Variants in NDRG3 observed in about 807,000 individuals in gnomAD.
NDRG3 encodes protein NDRG3.
NDRG3 carries 23 observed loss-of-function variants against 57.2 expected under a neutral mutation model. The observed-to-expected ratio is 0.40, with a 90% confidence interval of 0.29 to 0.57. The LOEUF (loss-of-function observed/expected upper bound fraction) is 0.57, where lower values mean the gene tolerates loss of function less well. NDRG3 is among the 20% of genes least tolerant of loss of function. The pLI, the probability that NDRG3 is intolerant of heterozygous loss-of-function variation, is 0.42. For missense variants in NDRG3, 384 were observed against 457.3 expected (o/e 0.84, Z 1.46); for synonymous variants, 132 against 162.6 (o/e 0.81, Z 1.43).
At chr20:36,726,597 C>T (rs1984948974) in intron 1 of NDRG3, among the ~76,000 whole-genome samples, 2 of 152,302 alleles carry the variant, frequency 1.3e-5, no homozygotes, top group Admixed American at 1.3e-4. Context: ...GGATCCAAGG[C>T]CTGCAGTTCC....
chr20:36,718,276 A>G (rs532279946), intron 2 of NDRG3, among the ~76,000 whole-genome samples: 1 of 152,332 alleles, frequency 6.6e-6, no homozygotes, highest in South Asian at 2.1e-4. Context: ...TGATCTAAAG[A>G]GGGCCTCTTG....
chr20:36,684,740 T>C lies in NDRG3; in HGVS notation c.321-265A>G, dbSNP rs868728602. On this transcript the variant is annotated intron_variant, in intron 5 of 15. Transcript: ENST00000349004. ...AGCACATGCCTGTAATCCCAGAAAC[T>C]TGGGAGGCTGAGGCAGGAGAATTGC... Among the ~76,000 whole-genome samples the C allele has an allele frequency of 9.9e-5, 15 of 151,852 alleles. No individual in the cohort carries two copies. In the Middle Eastern group the frequency reaches 0.014, roughly 138 times the overall value.
In NDRG3 at chr20:36,653,355, G is replaced by C. The variant is rs1010509324; in HGVS notation, c.*165C>G. ...GTGGTTCTTGGGCTATACAAAAAAGGGGGTGGGCAGGCAGAGAGAATGATA... is the reference window on the plus strand; with the variant it reads ...GTGGTTCTTGGGCTATACAAAAAAGCGGGTGGGCAGGCAGAGAGAATGATA... On this transcript the variant is annotated 3_prime_UTR_variant, in exon 16 of 16. Coordinates refer to ENST00000349004, the MANE Select transcript of NDRG3 (RefSeq NM_032013.4). This position sits in a 1 kb window ranked among gnomAD's most constrained non-coding sequence, Gnocchi z 4.2. The C allele has an allele frequency of 6.6e-6, 4 of 605,400 alleles. No individual in the cohort carries two copies. The highest frequency in any genetic ancestry group is 5.5e-5 in the African/African-American group (3 of 54,106). 37.5% of individuals were successfully genotyped at this position (605,400 alleles called of 1,614,324 possible). A position where few individuals can be genotyped will look rare whatever the true frequency, so the allele number is the denominator to read the frequency against.
intron 2 of NDRG3, among the ~76,000 whole-genome samples, chr20:36,716,991 C>T (rs1283479239): frequency 6.6e-6 from 1 of 152,126 alleles, no homozygotes; most frequent in African/African-American, 2.4e-5. Flanking sequence ...ATATCTTCAA[C>T]TATTTACAAG....
chr20:36,743,902 CT>C (rs1188148076), intron 1 of NDRG3, among the ~76,000 whole-genome samples: 2,554 of 119,060 alleles, frequency 0.021, 16 homozygotes, highest in African/African-American at 0.081. Flanking sequence ...CATAAACAAG[CT>C]TTTTTTTTTT....
chr20:36,697,932 G>T (rs1408974061), intron 3 of NDRG3, among the ~76,000 whole-genome samples: 1 of 147,170 alleles, frequency 6.8e-6, no homozygotes. Flanking sequence ...ATAGTTCTAG[G>T]TTACATAATT....
intron 8 of NDRG3, 36 bp from the exon 9 acceptor site, chr20:36,671,433 C>A: frequency 6.4e-7 from 1 of 1,552,576 alleles, no homozygotes. Flanking sequence ...AGAATGTAAG[C>A]ATATGCAAAA....
chr20:36,678,404 C>T lies in NDRG3; in HGVS notation c.531+2412G>A, dbSNP rs571804031. Among the ~76,000 whole-genome samples, 16 of 152,262 alleles carry T rather than the reference C, an allele frequency of 1.1e-4. No individual in the cohort carries two copies. In the South Asian group the frequency reaches 1.2e-3, roughly 12 times the overall value. On this transcript the variant is annotated intron_variant, in intron 8 of 15. Coordinates refer to ENST00000349004, the MANE Select transcript of NDRG3 (RefSeq NM_032013.4). ...ATGCAAATTAAAACCCAGGATTGGC[C>T]GGGTGCGGTAGCTCACACCTGTAAT...
At chr20:36,729,343 GC>G (rs1405265921) in intron 1 of NDRG3, among the ~76,000 whole-genome samples, 1 of 152,142 alleles carries the variant, frequency 6.6e-6, no homozygotes, top group African/African-American at 2.4e-5. Context: ...AGTTTCAGAG[GC>G]AAGGGCTATT....
At chr20:36,715,004 G>GTA (rs1163522116) in intron 2 of NDRG3, among the ~76,000 whole-genome samples, 96 of 32,440 alleles carry the variant, frequency 3.0e-3, no homozygotes, top group Non-Finnish European at 4.4e-3. Context: ...GTGTGTGTGT[G>GTA]TGTATATATA....
chr20:36,684,222 C>G (rs1473701417), intron 6 of NDRG3, among the ~76,000 whole-genome samples, 191 bp downstream of exon 6: 1 of 152,286 alleles, frequency 6.6e-6, no homozygotes, highest in Non-Finnish European at 1.5e-5. Flanking sequence ...CACCCTTATT[C>G]TCTATCACAA....
At chr20:36,684,833 G>A (rs1283308156) in intron 5 of NDRG3, among the ~76,000 whole-genome samples, 30 of 147,426 alleles carry the variant, frequency 2.0e-4, no homozygotes, top group African/African-American at 7.6e-4. Context: ...TGGGCAACAA[G>A]AGCAAAACTC....
chr20:36,709,971 A>G (rs1702457952), intron 2 of NDRG3, among the ~76,000 whole-genome samples: 1 of 152,208 alleles, frequency 6.6e-6, no homozygotes, highest in African/African-American at 2.4e-5. Flanking sequence ...AAAAGAAAGT[A>G]GGATACAAAA....
chr20:36,710,818 A>AG (rs1343793421), intron 2 of NDRG3, among the ~76,000 whole-genome samples: 2 of 151,002 alleles, frequency 1.3e-5, no homozygotes, highest in Non-Finnish European at 3.0e-5. Context: ...GTCTCAAAAA[A>AG]AAAAAAAAAA....
At chr20:36,654,672 C>A in intron 15 of NDRG3, 1 of 689,370 alleles carries the variant, frequency 1.5e-6, no homozygotes, top group African/African-American at 1.7e-5. Context: ...TAGGCTAAAT[C>A]TCTTGGGGCG....
chr20:36,694,588 C>G (rs1354082210), intron 3 of NDRG3, among the ~76,000 whole-genome samples: 1 of 152,118 alleles, frequency 6.6e-6, no homozygotes, highest in African/African-American at 2.4e-5. Context: ...CCTTGAAACC[C>G]TTCATCCTAT....
At chr20:36,736,272 G>T (rs1985605795) in intron 1 of NDRG3, among the ~76,000 whole-genome samples, 1 of 152,172 alleles carries the variant, frequency 6.6e-6, no homozygotes, top group South Asian at 2.1e-4. Context: ...AATTTAATTG[G>T]GCTAACGTAG....
At chr20:36,668,585 G>GA (rs1979837701) in intron 9 of NDRG3, 1 of 152,018 alleles carries the variant, frequency 6.6e-6, no homozygotes. Context: ...GCAGTGGTGA[G>GA]AAAGGGGAAA....
Position 36,687,363 on chromosome 20 carries a change from G to C in NDRG3, c.320+129C>G, listed in dbSNP as rs1210894782. ...CCCAAGGAGAGAAAATATGAGGATG[G>C]TTGGTCAATAAGCATAACCTATAGA... is the stretch of plus-strand genomic sequence containing the variant. On this transcript the variant is annotated intron_variant, in intron 5 of 15. Coordinates refer to ENST00000349004, the MANE Select transcript of NDRG3 (RefSeq NM_032013.4). 5 of 1,148,546 alleles carry C rather than the reference G, an allele frequency of 4.4e-6. No homozygotes were observed. The African/African-American group carries it at 6.3e-5, about 14-fold the overall frequency. 71.1% of individuals were successfully genotyped at this position (1,148,546 alleles called of 1,614,324 possible). A position where few individuals can be genotyped will look rare whatever the true frequency, so the allele number is the denominator to read the frequency against.
Sources: allele counts gnomAD v4.1 joint callset (sites outside exome capture counted in the v4.1 genomes callset), GRCh38; gene constraint gnomAD v4.1.1; non-coding constraint Gnocchi (gnomAD v3.1); transcripts MANE v1.5; gene names NCBI Gene and HGNC (gene_info 2026-07-23, HGNC 2026-07-21).